The following ARPC5 variants were observed in gnomAD, a reference collection of about 807,000 sequenced individuals.
The protein encoded by ARPC5 is actin-related protein 2/3 complex subunit 5.
In ARPC5, 5 loss-of-function variants were observed where a neutral mutation model predicts 15.4. The observed-to-expected ratio is 0.32, with a 90% CI of 0.17 to 0.68. The LOEUF (loss-of-function observed/expected upper bound fraction) is 0.68. Ranked by LOEUF, ARPC5 falls within the 30% of genes least tolerant of loss-of-function variation. The probability of loss-of-function intolerance (pLI) is 0.71; values close to 1 mark genes in which losing one functional copy is unlikely to be tolerated. For synonymous variants in ARPC5, 85 were observed against 72.2 expected (o/e 1.18, Z -0.90); for missense variants, 138 against 192.8 (o/e 0.72, Z 1.68).
chr1:183,627,612 T>C lies in ARPC5; in HGVS notation c.394-18A>G. 1 of 1,602,516 alleles carries C rather than the reference T, an allele frequency of 6.2e-7. No homozygotes were observed. Among genetic ancestry groups the C allele is most frequent in the Non-Finnish European group, 8.6e-7 (1 of 1,169,526 alleles). ...GCAAGTGCCTAAAAACAAACCAAGA[T>C]GTAAATGTTGACAGAATAATAAAAG... On this transcript the variant is annotated intron_variant, in intron 3 of 3. Coordinates refer to ENST00000359856, the MANE Select transcript of ARPC5 (RefSeq NM_005717.4).
At chr1:183,633,058 A>G (rs764017973) in intron 2 of ARPC5, 24 bp downstream of exon 2, 7 of 1,539,604 alleles carry the variant, frequency 4.5e-6, no homozygotes, top group Non-Finnish European at 6.2e-6. Context: ...AGCAGAGATC[A>G]CTGTGTTGTA....
chr1:183,621,368 C>T lies in ARPC5; in HGVS notation c.*6164G>A, dbSNP rs1274138850. 6.6e-6 allele frequency: 1 copy of T among 152,148 alleles called. No individual in the cohort carries two copies. The highest frequency in any genetic ancestry group is 1.5e-5 in the Non-Finnish European group (1 of 68,016). The allele number at this position is 152,148 out of a possible 1,614,324, so 9.4% of individuals were successfully genotyped here. On this transcript the variant is annotated 3_prime_UTR_variant, in exon 4 of 4. Transcript: ENST00000359856. ...AGCACTGTTTGTAACTGCAAAAGAT[C>T]AGAAACCACCTAAATCAATAGGGAA...
Position 183,623,942 on chromosome 1 carries a change from G to A in ARPC5, c.*3590C>T, listed in dbSNP as rs751545408. The A allele has an allele frequency of 5.7e-6, 1 of 176,432 alleles. No homozygotes were observed. The highest frequency in any genetic ancestry group is 1.2e-5 in the Non-Finnish European group (1 of 84,282). 10.9% of individuals were successfully genotyped at this position (176,432 alleles called of 1,614,324 possible). ...GGAGGCTGAGGCAGGAGAATCGCTTGAGCCTGGGAGGTGGAGGCTGCAGTG... is the reference window on the plus strand; with the variant it reads ...GGAGGCTGAGGCAGGAGAATCGCTTAAGCCTGGGAGGTGGAGGCTGCAGTG... On this transcript the variant is annotated 3_prime_UTR_variant, in exon 4 of 4. Transcript: ENST00000359856.
rs1031263822 is a variant in ARPC5 at position 183,625,363 on chromosome 1, T to G, written c.*2169A>C. 1.1e-4 allele frequency: 16 copies of G among 152,212 alleles called. No homozygotes were observed. Among genetic ancestry groups the G allele is most frequent in the African/African-American group, 3.4e-4 (14 of 41,460 alleles). The allele number at this position is 152,212 out of a possible 1,614,324, so 9.4% of individuals were successfully genotyped here. On this transcript the variant is annotated 3_prime_UTR_variant, in exon 4 of 4. Coordinates refer to ENST00000359856, the MANE Select transcript of ARPC5 (RefSeq NM_005717.4). Reference sequence around the variant, plus strand: ...AAATATTTTTAGTATCTCCCCTCAGTAAAGCTGATAGACTGGCAGATTCTA... The same window carrying G: ...AAATATTTTTAGTATCTCCCCTCAGGAAAGCTGATAGACTGGCAGATTCTA...
chr1:183,633,554 A>G (rs183908542), intron 1 of ARPC5: 13 of 153,532 alleles, frequency 8.5e-5, no homozygotes, highest in African/African-American at 3.1e-4. Flanking sequence ...TGTGATTCTA[A>G]TTGAAAAAAT....
rs1026365953 is a variant in ARPC5 at position 183,623,428 on chromosome 1, G to A, written c.*4104C>T. On this transcript the variant is annotated 3_prime_UTR_variant, in exon 4 of 4. Transcript: ENST00000359856. ...GCAGATGACATGCTGTACCTCTGTG[G>A]GCTTCCCGGGCCTCCTCCATATCTG... The A allele has an allele frequency of 4.5e-5, 69 of 1,550,332 alleles. No homozygotes were observed. Among genetic ancestry groups the A allele is most frequent in the Non-Finnish European group, 5.5e-5 (63 of 1,146,950 alleles).
In ARPC5 at chr1:183,622,229, C is replaced by T. The variant is rs1248679705; in HGVS notation, c.*5303G>A. 1.3e-5 allele frequency: 2 copies of T among 152,084 alleles called. No individual in the cohort carries two copies. The highest frequency in any genetic ancestry group is 1.5e-5 in the Non-Finnish European group (1 of 68,018). The allele number at this position is 152,084 out of a possible 1,614,324, so 9.4% of individuals were successfully genotyped here. A position where few individuals can be genotyped will look rare whatever the true frequency, so the allele number is the denominator to read the frequency against. On this transcript the variant is annotated 3_prime_UTR_variant, in exon 4 of 4. Coordinates refer to ENST00000359856, the MANE Select transcript of ARPC5 (RefSeq NM_005717.4). ...CAATAGTTGGTTGTCAAAAGAGGAACTAGGGTGGAATGGAAAATTACCACA... is the reference window on the plus strand; with the variant it reads ...CAATAGTTGGTTGTCAAAAGAGGAATTAGGGTGGAATGGAAAATTACCACA...
intron 2 of ARPC5, chr1:183,632,835 C>T: frequency 3.0e-6 from 1 of 335,530 alleles, no homozygotes; most frequent in Non-Finnish European, 5.4e-6. Context: ...GAGTGGTCTC[C>T]TCTAAAAACA....
rs1649097052 is a variant in ARPC5 at position 183,626,359 on chromosome 1, C to A, written c.*1173G>T. ...ACAAAACTGGCATCCAATGTAAATA[C>A]TAAGCACAAGCTCACTTCCCTCTTG... On this transcript the variant is annotated 3_prime_UTR_variant, in exon 4 of 4. Coordinates refer to ENST00000359856, the MANE Select transcript of ARPC5 (RefSeq NM_005717.4). 1 of 152,238 alleles carries A rather than the reference C, an allele frequency of 6.6e-6. No homozygotes were observed. The highest frequency in any genetic ancestry group is 2.1e-4 in the South Asian group (1 of 4,832). The allele number at this position is 152,238 out of a possible 1,614,324, so 9.4% of individuals were successfully genotyped here. A position where few individuals can be genotyped will look rare whatever the true frequency, so the allele number is the denominator to read the frequency against.
intron 1 of ARPC5, among the ~76,000 whole-genome samples, chr1:183,634,863 G>C (rs1307470729): frequency 6.8e-6 from 1 of 147,704 alleles, no homozygotes; most frequent in African/African-American, 2.5e-5. Context: ...CCCTCCCCCA[G>C]TTAACAAATT....
rs1648994009 is a variant in ARPC5, at chr1:183,623,473, T to C, written c.*4059A>G. 3 of 1,550,230 alleles carry C rather than the reference T, an allele frequency of 1.9e-6. No homozygotes were observed. Among genetic ancestry groups the C allele is most frequent in the African/African-American group, 2.7e-5 (2 of 72,994 alleles). ...TATCTGGAATCATACAAGAGGCACC[T>C]GCACAGAACGTTTTCACATTGGGGT... On this transcript the variant is annotated 3_prime_UTR_variant, in exon 4 of 4. Transcript: ENST00000359856.
rs1166708187 is a variant in ARPC5 at position 183,622,508 on chromosome 1, A to C, written c.*5024T>G. The C allele has an allele frequency of 6.6e-5, 10 of 152,220 alleles. No homozygotes were observed. The highest frequency in any genetic ancestry group is 6.5e-4 in the Admixed American group (10 of 15,286). The allele number at this position is 152,220 out of a possible 1,614,324, so 9.4% of individuals were successfully genotyped here. A position where few individuals can be genotyped will look rare whatever the true frequency, so the allele number is the denominator to read the frequency against. ...CCCTAAGGGTTGACAGAATTAGAAA[A>C]ATCTACGTATAAAGTCAAGGACGGT... On this transcript the variant is annotated 3_prime_UTR_variant, in exon 4 of 4. Coordinates refer to ENST00000359856, the MANE Select transcript of ARPC5 (RefSeq NM_005717.4).
chr1:183,627,260 T>G lies in ARPC5; in HGVS notation c.*272A>C. ...AAAGTTGCACAATTAAACTTGAATGTAAATTATACTATATACAGATTGGTA... is the reference window on the plus strand; with the variant it reads ...AAAGTTGCACAATTAAACTTGAATGGAAATTATACTATATACAGATTGGTA... On this transcript the variant is annotated 3_prime_UTR_variant, in exon 4 of 4. Transcript: ENST00000359856. The G allele has an allele frequency of 3.1e-6, 1 of 326,734 alleles. No homozygotes were observed. The highest frequency in any genetic ancestry group is 5.7e-6 in the Non-Finnish European group (1 of 175,052). The allele number at this position is 326,734 out of a possible 1,614,324, so 20.2% of individuals were successfully genotyped here. A position where few individuals can be genotyped will look rare whatever the true frequency, so the allele number is the denominator to read the frequency against.
chr1:183,635,706 C>T lies in ARPC5; in HGVS notation c.-47G>A. On this transcript the variant is annotated 5_prime_UTR_variant, in exon 1 of 4. Coordinates refer to ENST00000359856, the MANE Select transcript of ARPC5 (RefSeq NM_005717.4). ...AGGCCTCTTCTTGGCGCTGCCTCTA[C>T]CTCAGCAAGCCCAGCCCAGCAACCC... 2 of 1,586,636 alleles carry T rather than the reference C, an allele frequency of 1.3e-6. No individual in the cohort carries two copies. Among genetic ancestry groups the T allele is most frequent in the Non-Finnish European group, 1.7e-6 (2 of 1,164,736 alleles).
chr1:183,624,289 C>G lies in ARPC5; in HGVS notation c.*3243G>C, dbSNP rs950887491. On this transcript the variant is annotated 3_prime_UTR_variant, in exon 4 of 4. Coordinates refer to ENST00000359856, the MANE Select transcript of ARPC5 (RefSeq NM_005717.4). The stretch of plus-strand genomic sequence containing the variant: ...TTGGGAGGCCGAGGTGGGCGGATCA[C>G]GAGGTCAGGAGATCGAGACCATCCT... 1.3e-5 allele frequency: 2 copies of G among 151,984 alleles called. No individual in the cohort carries two copies. Among genetic ancestry groups the G allele is most frequent in the Non-Finnish European group, 2.9e-5 (2 of 68,010 alleles). The allele number at this position is 151,984 out of a possible 1,614,324, so 9.4% of individuals were successfully genotyped here.
intron 1 of ARPC5, among the ~76,000 whole-genome samples, chr1:183,635,123 C>A (rs11811536): frequency 0.069 from 10,546 of 152,246 alleles, 647 homozygotes; most frequent in African/African-American, 0.17. Flanking sequence ...CCCAGGAAAT[C>A]AGAGTTCTAG....
At position 183,623,430 on chromosome 1, in the gene ARPC5, C is replaced by G. The variant is rs772270768; in HGVS notation, c.*4102G>C. 6.4e-7 allele frequency: 1 copy of G among 1,550,474 alleles called. No individual in the cohort carries two copies. The highest frequency in any genetic ancestry group is 1.2e-5 in the South Asian group (1 of 84,064). ...AGATGACATGCTGTACCTCTGTGGGCTTCCCGGGCCTCCTCCATATCTGGA... is the reference window on the plus strand; with the variant it reads ...AGATGACATGCTGTACCTCTGTGGGGTTCCCGGGCCTCCTCCATATCTGGA... On this transcript the variant is annotated 3_prime_UTR_variant, in exon 4 of 4. Transcript: ENST00000359856.
intron 1 of ARPC5, among the ~76,000 whole-genome samples, chr1:183,634,930 TA>T (rs72182011): frequency 5.1e-5 from 7 of 136,608 alleles, no homozygotes; most frequent in Non-Finnish European, 9.8e-5. Context: ...TTTTTTTTTT[TA>T]AAAAGGCCAA....
chr1:183,632,911 AT>A, intron 2 of ARPC5, 170 bp downstream of exon 2: 1 of 525,300 alleles, frequency 1.9e-6, no homozygotes, highest in Non-Finnish European at 3.3e-6. Flanking sequence ...TCATAACTAC[AT>A]TATAGGGCTA....
Sources: gnomAD v4.1 joint callset for allele counts (sites outside exome capture counted in the v4.1 genomes callset) on GRCh38, gnomAD v4.1.1 for gene constraint, MANE v1.5 for transcripts, NCBI Gene and HGNC (gene_info 2026-07-23, HGNC 2026-07-21) for gene names.